MYT1L: variants seen among roughly 807,000 people sequenced by gnomAD.
MYT1L encodes the protein myelin transcription factor 1 like.
A neutral mutation model predicts 126.7 loss-of-function variants in MYT1L; 12 were observed. The ratio of observed to expected loss-of-function variants is 0.09; its 90% CI spans 0.06 to 0.15. The LOEUF (loss-of-function observed/expected upper bound fraction) is 0.15, where lower values mean the gene tolerates loss of function less well. MYT1L is among the 10% of genes least tolerant of loss of function. The probability of loss-of-function intolerance (pLI) is 1.00; values close to 1 mark genes in which losing one functional copy is unlikely to be tolerated. For synonymous variants in MYT1L, 541 were observed against 604.2 expected (o/e 0.90, Z 1.53); for missense variants, 979 against 1,585.2 (o/e 0.62, Z 6.49).
At chr2:1,846,751 G>A (rs1392710084) in intron 19 of MYT1L, among the ~76,000 whole-genome samples, 1 of 152,174 alleles carries the variant, frequency 6.6e-6, no homozygotes, top group African/African-American at 2.4e-5. Flanking sequence ...CATGAGAATG[G>A]ATCCTGTGAC....
rs571572174 is a variant in MYT1L, at chr2:2,051,960, C to T, written c.-158+2018G>A. The stretch of plus-strand genomic sequence containing the variant: ...TCAAAAATAAATATATTGCAAGATT[C>T]GTAAATGTTAAGAGATCCCCAAATA... On this transcript the variant is annotated intron_variant, in intron 4 of 24. Coordinates refer to ENST00000647738, the MANE Select transcript of MYT1L (RefSeq NM_001303052.2). 3.3e-5 allele frequency among the ~76,000 whole-genome samples: 5 copies of T among 151,668 alleles called. No homozygotes were observed. In the East Asian group the frequency reaches 5.8e-4, roughly 18 times the overall value.
At position 2,220,311 on chromosome 2, in the gene MYT1L, A is replaced by G. The variant is rs552178376; in HGVS notation, c.-420-47323T>C. Among the ~76,000 whole-genome samples, 4 of 152,154 alleles carry G rather than the reference A, an allele frequency of 2.6e-5. No individual in the cohort carries two copies. In the South Asian group the frequency reaches 6.2e-4, roughly 24 times the overall value. ...TGATATGGTTCAGAAAGGCGGGACA[A>G]CTCCAAGGGGGTTTGGTGGGGGTCC... On this transcript the variant is annotated intron_variant, in intron 2 of 24. Transcript: ENST00000647738.
rs922659005 is a variant in MYT1L, at chr2:2,314,432, T to C, written c.-521+16535A>G. ...AGTAATATAGAAGGCCTGGTCCTTT[T>C]TCCCCATGTATCCAAATTAAACTGG... On this transcript the variant is annotated intron_variant, in intron 1 of 24. Coordinates refer to ENST00000647738, the MANE Select transcript of MYT1L (RefSeq NM_001303052.2). Among the ~76,000 whole-genome samples, 7 of 152,246 alleles carry C rather than the reference T, an allele frequency of 4.6e-5. 1 individual carries two copies. Among genetic ancestry groups the C allele is most frequent in the Non-Finnish European group, 1.0e-4 (7 of 68,042 alleles).
intron 2 of MYT1L, among the ~76,000 whole-genome samples, chr2:2,282,892 T>C (rs1202129109): frequency 2.0e-5 from 3 of 152,186 alleles, no homozygotes; most frequent in African/African-American, 7.2e-5. Flanking sequence ...CTGGCCAACA[T>C]GGTGAAACCC....
intron 2 of MYT1L, among the ~76,000 whole-genome samples, chr2:2,182,116 C>T (rs1327216737): frequency 8.6e-5 from 13 of 151,556 alleles, no homozygotes; most frequent in Non-Finnish European, 1.5e-4. Flanking sequence ...ACGGACAGCA[C>T]GCCCCACTCT....
intron 5 of MYT1L, among the ~76,000 whole-genome samples, chr2:1,989,491 A>G (rs2061314197): frequency 6.6e-6 from 1 of 152,188 alleles, no homozygotes; most frequent in South Asian, 2.1e-4. Context: ...GTGGCTGGAT[A>G]AATATTTGCT....
At chr2:2,145,642 GACACACACAC>G (rs139332300) in intron 3 of MYT1L, among the ~76,000 whole-genome samples, 2 of 146,526 alleles carry the variant, frequency 1.4e-5, no homozygotes, top group Admixed American at 6.9e-5. Context: ...ACACACACAA[GACACACACAC>G]ACACACACAC....
intron 2 of MYT1L, among the ~76,000 whole-genome samples, chr2:2,271,438 G>C (rs2149343930): frequency 6.6e-6 from 1 of 152,312 alleles, no homozygotes; most frequent in African/African-American, 2.4e-5. Flanking sequence ...CATTCGAATG[G>C]TGGGAATTTA....
At chr2:1,846,030 C>A (rs1363981320) in intron 19 of MYT1L, among the ~76,000 whole-genome samples, 1 of 152,204 alleles carries the variant, frequency 6.6e-6, no homozygotes, top group Non-Finnish European at 1.5e-5. Flanking sequence ...TACTCATTAT[C>A]TTTAGGCTTT....
Position 2,313,800 on chromosome 2 carries a change from C to T in MYT1L, c.-521+17167G>A, listed in dbSNP as rs1012424683. On this transcript the variant is annotated intron_variant, in intron 1 of 24. Transcript: ENST00000647738. Reference sequence around the variant, plus strand: ...TGATCTTAGTCTAGAAGCATGAGCTCTTACTAAATCCAAAGCCATGTTGAA... The same window carrying T: ...TGATCTTAGTCTAGAAGCATGAGCTTTTACTAAATCCAAAGCCATGTTGAA... Among the ~76,000 whole-genome samples, 6 of 152,144 alleles carry T rather than the reference C, an allele frequency of 3.9e-5. No homozygotes were observed. The East Asian group carries it at 1.2e-3, about 29-fold the overall frequency.
At chr2:1,995,125 T>G (rs1054110751) in intron 5 of MYT1L, among the ~76,000 whole-genome samples, 2 of 152,184 alleles carry the variant, frequency 1.3e-5, no homozygotes, top group African/African-American at 4.8e-5. Flanking sequence ...GAATAGTTTT[T>G]TTTTTTTCCT....
chr2:1,875,248 G>A lies in MYT1L; in HGVS notation c.2711+11291C>T, dbSNP rs1270082362. ...AAAGGTCACAGTGACATCCTGAGGC[G>A]GGAAACTGGACCTTTAGAGAGTCGC... On this transcript the variant is annotated intron_variant, in intron 18 of 24. Transcript: ENST00000647738. Among the ~76,000 whole-genome samples the A allele has an allele frequency of 3.9e-5, 6 of 152,064 alleles. No homozygotes were observed. In the East Asian group the frequency reaches 5.8e-4, roughly 15 times the overall value.
chr2:2,217,095 T>C (rs959085183), intron 2 of MYT1L, among the ~76,000 whole-genome samples: 7 of 152,132 alleles, frequency 4.6e-5, no homozygotes, highest in African/African-American at 1.7e-4. Context: ...GCATCAAACA[T>C]TCAATAAATG....
chr2:2,232,265 G>C (rs918330387), intron 2 of MYT1L, among the ~76,000 whole-genome samples: 4 of 152,230 alleles, frequency 2.6e-5, no homozygotes, highest in African/African-American at 9.6e-5. Context: ...GGTGGGGTTT[G>C]ATTGCAACAA....
intron 21 of MYT1L, among the ~76,000 whole-genome samples, chr2:1,813,881 G>A (rs2037151131): frequency 9.5e-6 from 1 of 105,586 alleles, no homozygotes; most frequent in Non-Finnish European, 2.0e-5. Context: ...CAAAAAATTA[G>A]CCGGGCGTGG....
At chr2:1,956,188 G>GCTGTCTGT (rs762129997) in intron 8 of MYT1L, among the ~76,000 whole-genome samples, 1,212 of 65,026 alleles carry the variant, frequency 0.019, 79 homozygotes, top group African/African-American at 0.042. Context: ...CATTTACCTA[G>GCTGTCTGT]CTGTCTATCT....
In MYT1L at chr2:2,000,068, C is replaced by T. The variant is rs116033518; in HGVS notation, c.-157-2721G>A. 5.6e-3 allele frequency among the ~76,000 whole-genome samples: 848 copies of T among 152,328 alleles called. 7 individuals are homozygous for T. Among genetic ancestry groups the T allele is most frequent in the African/African-American group, 0.019 (797 of 41,578 alleles). On this transcript the variant is annotated intron_variant, in intron 4 of 24. Coordinates refer to ENST00000647738, the MANE Select transcript of MYT1L (RefSeq NM_001303052.2). Reference sequence around the variant, plus strand: ...AAGTTCCTTGCCTGAAATCCGTCCACGTTATTCTAATCAGAAGGTGGCTGT... The same window carrying T: ...AAGTTCCTTGCCTGAAATCCGTCCATGTTATTCTAATCAGAAGGTGGCTGT...
chr2:2,110,144 A>T (rs899125712), intron 3 of MYT1L, among the ~76,000 whole-genome samples: 2 of 151,584 alleles, frequency 1.3e-5, no homozygotes, highest in Middle Eastern at 3.2e-3. Flanking sequence ...GCCAGGAGAT[A>T]CCTGAGGTCG....
At chr2:1,916,635 A>G (rs1558389398) in intron 11 of MYT1L, among the ~76,000 whole-genome samples, 1 of 152,240 alleles carries the variant, frequency 6.6e-6, no homozygotes, top group African/African-American at 2.4e-5. Context: ...AATGCTTAAG[A>G]TCAAAACCCA....
Sources: allele counts gnomAD v4.1 joint callset (sites outside exome capture counted in the v4.1 genomes callset), GRCh38; gene constraint gnomAD v4.1.1; transcripts MANE v1.5; gene names NCBI Gene and HGNC (gene_info 2026-07-23, HGNC 2026-07-21).